The following THSD7A variants were observed in gnomAD, a reference collection of about 807,000 sequenced individuals.
The protein encoded by THSD7A is thrombospondin type 1 domain containing 7A.
A neutral mutation model predicts 231.3 loss-of-function variants in THSD7A; 96 were observed. The ratio of observed to expected loss-of-function variants is 0.41; its 90% CI spans 0.35 to 0.49. The LOEUF is 0.49. THSD7A is among the 20% of genes least tolerant of loss of function. THSD7A has a pLI of 0.05. For missense variants in THSD7A, 2,290 were observed against 2,070.2 expected, an observed-to-expected ratio of 1.11 and a Z score of -2.06; for synonymous variants, 940 against 743.3, an observed-to-expected ratio of 1.26 and a Z score of -4.30.
chr7:11,528,577 A>T (rs1788574045), intron 6 of THSD7A, among the ~76,000 whole-genome samples: 1 of 152,188 alleles, frequency 6.6e-6, no homozygotes, highest in South Asian at 2.1e-4. Context: ...ATCTTCTATA[A>T]TTTTATATCA....
chr7:11,496,231 A>G (rs1032345059), intron 6 of THSD7A, among the ~76,000 whole-genome samples: 5 of 152,170 alleles, frequency 3.3e-5, no homozygotes, highest in Non-Finnish European at 7.4e-5. Flanking sequence ...AGACATGATT[A>G]TTATACCCAT....
chr7:11,495,605 T>C (rs931338945), intron 6 of THSD7A, among the ~76,000 whole-genome samples: 6 of 152,254 alleles, frequency 3.9e-5, no homozygotes, highest in African/African-American at 4.8e-5. Context: ...TATGCCAAGA[T>C]ACTGCTCTCT....
intron 1 of THSD7A, among the ~76,000 whole-genome samples, chr7:11,647,720 G>T (rs1435704496): frequency 2.0e-5 from 3 of 152,122 alleles, no homozygotes; most frequent in African/African-American, 4.8e-5. Flanking sequence ...GCATATGCAG[G>T]TAAGTGTCAA....
intron 1 of THSD7A, chr7:11,820,466 C>A: frequency 8.3e-7 from 1 of 1,199,688 alleles, no homozygotes; most frequent in East Asian, 2.6e-5. Flanking sequence ...CGGCCCTGAC[C>A]CGGAGGTCAT....
At chr7:11,452,234 A>G (rs1024507472) in intron 11 of THSD7A, among the ~76,000 whole-genome samples, 1 of 152,066 alleles carries the variant, frequency 6.6e-6, no homozygotes, top group Admixed American at 6.6e-5. Flanking sequence ...TGAATCATGT[A>G]GAAATGAAGA....
chr7:11,641,179 GTA>G (rs1478994189), intron 1 of THSD7A, among the ~76,000 whole-genome samples: 1 of 152,096 alleles, frequency 6.6e-6, no homozygotes, highest in Admixed American at 6.5e-5. Flanking sequence ...ACGTGTGTGT[GTA>G]TACCTTTTAC....
At chr7:11,671,436 G>A (rs1022532007) in intron 1 of THSD7A, among the ~76,000 whole-genome samples, 1 of 152,148 alleles carries the variant, frequency 6.6e-6, no homozygotes. Context: ...ATAGGCATGT[G>A]TATTTTGAAA....
At chr7:11,793,827 G>C (rs1262699518) in intron 1 of THSD7A, among the ~76,000 whole-genome samples, 1 of 151,778 alleles carries the variant, frequency 6.6e-6, no homozygotes, top group East Asian at 1.9e-4. Context: ...CTTCCAATGT[G>C]GGTGTTTTAT....
At chr7:11,452,952 G>A (rs531681359) in intron 11 of THSD7A, among the ~76,000 whole-genome samples, 7 of 151,864 alleles carry the variant, frequency 4.6e-5, no homozygotes, top group South Asian at 2.1e-4. Context: ...TAAAAATTAC[G>A]TCTGTATAAA....
intron 1 of THSD7A, among the ~76,000 whole-genome samples, chr7:11,771,656 T>A (rs759479407): frequency 2.6e-5 from 4 of 151,952 alleles, no homozygotes; most frequent in Admixed American, 2.6e-4. Flanking sequence ...AAAGAAGTCA[T>A]ACATGTGGCC....
rs1052872280 is a variant in THSD7A, at chr7:11,633,448, C to A, written c.1022+2682G>T. Among the ~76,000 whole-genome samples the A allele has an allele frequency of 3.3e-5, 5 of 152,264 alleles. No homozygotes were observed. The East Asian group carries it at 7.7e-4, about 24-fold the overall frequency. On this transcript the variant is annotated intron_variant, in intron 2 of 27. Transcript: ENST00000423059. Reference sequence around the variant, plus strand: ...TATGCTATTCTGATTTCAAGCAGAACTCAAGTATGCTTCAGCAGCCCTTTT... The same window carrying A: ...TATGCTATTCTGATTTCAAGCAGAAATCAAGTATGCTTCAGCAGCCCTTTT...
chr7:11,534,941 C>T (rs1362828444), intron 6 of THSD7A, among the ~76,000 whole-genome samples: 1 of 152,116 alleles, frequency 6.6e-6, no homozygotes, highest in Non-Finnish European at 1.5e-5. Flanking sequence ...CCCAGGAATT[C>T]AAGACCAACT....
intron 2 of THSD7A, among the ~76,000 whole-genome samples, chr7:11,628,971 A>T (rs1399090241): frequency 6.6e-6 from 1 of 152,168 alleles, no homozygotes; most frequent in Non-Finnish European, 1.5e-5. Context: ...CTATAGGAAG[A>T]TTATTACCCT....
At chr7:11,734,378 T>G (rs1156331608) in intron 1 of THSD7A, among the ~76,000 whole-genome samples, 1 of 152,054 alleles carries the variant, frequency 6.6e-6, no homozygotes, top group Admixed American at 6.6e-5. Context: ...AAATTAAATA[T>G]GTCCATAACC....
intron 17 of THSD7A, among the ~76,000 whole-genome samples, chr7:11,415,044 A>C (rs1344759653): frequency 6.6e-6 from 1 of 152,238 alleles, no homozygotes; most frequent in Non-Finnish European, 1.5e-5. Context: ...TTCATCCTAA[A>C]GGTTTCTTCA....
chr7:11,535,703 A>T lies in THSD7A; in HGVS notation c.1822+5716T>A, dbSNP rs564197224. On this transcript the variant is annotated intron_variant, in intron 6 of 27. Transcript: ENST00000423059. ...AGTTATAGGATGGATTCTTGCATTT[A>T]AAAGAAGTTTTTTCTACATAATGGC... Among the ~76,000 whole-genome samples, 7 of 152,224 alleles carry T rather than the reference A, an allele frequency of 4.6e-5. No individual in the cohort carries two copies. The South Asian group carries it at 6.2e-4, about 14-fold the overall frequency.
At chr7:11,445,885 G>T (rs1784953098) in intron 13 of THSD7A, among the ~76,000 whole-genome samples, 176 bp downstream of exon 13, 1 of 151,956 alleles carries the variant, frequency 6.6e-6, no homozygotes, top group Non-Finnish European at 1.5e-5. Flanking sequence ...TGGACAATGA[G>T]GCAATGCCAT....
intron 1 of THSD7A, among the ~76,000 whole-genome samples, chr7:11,828,247 A>G (rs1785087309): frequency 6.6e-6 from 1 of 152,224 alleles, no homozygotes; most frequent in Admixed American, 6.5e-5. Context: ...TTGGCATGAA[A>G]TCTTTTCATT....
intron 1 of THSD7A, among the ~76,000 whole-genome samples, chr7:11,729,512 C>G (rs551863152): frequency 2.0e-5 from 3 of 151,642 alleles, no homozygotes; most frequent in Non-Finnish European, 4.4e-5. Context: ...AATAAACAAG[C>G]AAGCAAACAA....
Sources: gnomAD v4.1 joint callset for allele counts (sites outside exome capture counted in the v4.1 genomes callset) on GRCh38, gnomAD v4.1.1 for gene constraint, MANE v1.5 for transcripts, NCBI Gene and HGNC (gene_info 2026-07-23, HGNC 2026-07-21) for gene names.